TMC6: variants seen among roughly 807,000 people sequenced by gnomAD.
The protein encoded by TMC6 is transmembrane channel-like protein 6.
A neutral mutation model predicts 95.4 loss-of-function variants in TMC6; 71 were observed. That is an observed-to-expected ratio of 0.74 (90% CI 0.61 to 0.91). The LOEUF (loss-of-function observed/expected upper bound fraction) is 0.91. TMC6 is among the 40% of genes least tolerant of loss of function. The probability of loss-of-function intolerance (pLI) is 0.00; values close to 1 mark genes in which losing one functional copy is unlikely to be tolerated. For synonymous variants in TMC6, 514 were observed against 483.1 expected (o/e 1.06, Z -0.84); for missense variants, 1,074 against 1,079.1 (o/e 1.00, Z 0.07).
chr17:78,121,480 C>T lies in TMC6; in HGVS notation c.1383+76G>A. The T allele has an allele frequency of 6.2e-7, 1 of 1,601,370 alleles. No individual in the cohort carries two copies. Among genetic ancestry groups the T allele is most frequent in the African/African-American group, 1.3e-5 (1 of 74,764 alleles). ...GGGTGGAGGAGGAGAGGCAAGGCTG[C>T]CTCCCCAGGGGGCAGGTGCCCAGAG... On this transcript the variant is annotated intron_variant, in intron 11 of 19. Transcript: ENST00000590602. The surrounding 1 kb of genome is among the most constrained non-coding windows in gnomAD (Gnocchi z 5.6).
intron 8 of TMC6, 90 bp downstream of exon 8, chr17:78,124,434 G>A: frequency 1.9e-6 from 3 of 1,579,796 alleles, no homozygotes; most frequent in Non-Finnish European, 8.5e-7. Context: ...AGGGTTGGGG[G>A]CCCCAGGGGA....
chr17:78,117,777 G>T (rs2074205256), intron 16 of TMC6, 25 bp downstream of exon 16: 1 of 1,598,584 alleles, frequency 6.3e-7, no homozygotes, highest in Non-Finnish European at 8.5e-7. Context: ...ACACAGAAGG[G>T]TCTCCCTCCA....
rs2073788774 is a variant in TMC6 at position 78,109,783 on chromosome 17, C to G, written c.*3365G>C. 1 of 346,240 alleles carries G rather than the reference C, an allele frequency of 2.9e-6. No homozygotes were observed. The highest frequency in any genetic ancestry group is 5.7e-6 in the Non-Finnish European group (1 of 174,392). The allele number at this position is 346,240 out of a possible 1,614,324, so 21.4% of individuals were successfully genotyped here. The stretch of plus-strand genomic sequence containing the variant: ...TGAAAATTTTTAAGATAATTCACAT[C>G]CGGCCAGGCATGGTGGCTCATGCCT... On this transcript the variant is annotated 3_prime_UTR_variant, in exon 20 of 20. Transcript: ENST00000590602.
rs372093428 is a variant in TMC6, at chr17:78,109,265, C to T, written c.*3883G>A. 5.6e-6 allele frequency: 2 copies of T among 356,082 alleles called. No homozygotes were observed. The highest frequency in any genetic ancestry group is 1.1e-5 in the Non-Finnish European group (2 of 178,362). 22.1% of individuals were successfully genotyped at this position (356,082 alleles called of 1,614,324 possible). A position where few individuals can be genotyped will look rare whatever the true frequency, so the allele number is the denominator to read the frequency against. On this transcript the variant is annotated 3_prime_UTR_variant, in exon 20 of 20. Coordinates refer to ENST00000590602, the MANE Select transcript of TMC6 (RefSeq NM_001127198.5). Reference sequence around the variant, plus strand: ...GACACAGAGGCATCATGGCGAGCCCCGACTGAGTGTTCAGTGAAGAGGGAA... The same window carrying T: ...GACACAGAGGCATCATGGCGAGCCCTGACTGAGTGTTCAGTGAAGAGGGAA...
chr17:78,126,312 A>G lies in TMC6; in HGVS notation c.236T>C (p.Leu79Pro). Residue 79 changes from leucine to proline, a missense_variant, in exon 4 of 20, where the codon CTC becomes CCC. Leu to Pro is a moderately conservative substitution (Grantham distance 98). Coordinates refer to ENST00000590602, the MANE Select transcript of TMC6 (RefSeq NM_001127198.5). ...RPEGTQSTAT[L>P]RILASMPSRT... Reference sequence around the variant, plus strand: ...GCTGGGCATGCTGGCCAGGATGCGGAGTGTGGCCGTGCTCTGGGTGCCCTC... The same window carrying G: ...GCTGGGCATGCTGGCCAGGATGCGGGGTGTGGCCGTGCTCTGGGTGCCCTC... 6.4e-7 allele frequency: 1 copy of G among 1,569,548 alleles called. No individual in the cohort carries two copies. The highest frequency in any genetic ancestry group is 8.6e-7 in the Non-Finnish European group (1 of 1,162,102).
At position 78,109,160 on chromosome 17, in the gene TMC6, G is replaced by T. The variant is rs768636169; in HGVS notation, c.*3988C>A. The T allele has an allele frequency of 1.5e-4, 47 of 308,128 alleles. No individual in the cohort carries two copies. Among genetic ancestry groups the T allele is most frequent in the Non-Finnish European group, 3.0e-4 (46 of 155,662 alleles). 19.1% of individuals were successfully genotyped at this position (308,128 alleles called of 1,614,324 possible). On this transcript the variant is annotated 3_prime_UTR_variant, in exon 20 of 20. Coordinates refer to ENST00000590602, the MANE Select transcript of TMC6 (RefSeq NM_001127198.5). Reference sequence around the variant, plus strand: ...ATTTTGGCAACATCACGGCAGAACGGTAAAGGCAGAAAGCACAGTGCCCAG... The same window carrying T: ...ATTTTGGCAACATCACGGCAGAACGTTAAAGGCAGAAAGCACAGTGCCCAG...
upstream of TMC6, among the ~76,000 whole-genome samples, chr17:78,130,052 G>C (rs1233400414): frequency 6.6e-6 from 1 of 152,210 alleles, no homozygotes; most frequent in East Asian, 1.9e-4. Context: ...CCCTATAGCA[G>C]GTAGAGAGGG....
chr17:78,120,897 C>T, intron 12 of TMC6, 65 bp from the exon 13 acceptor site: 1 of 1,611,124 alleles, frequency 6.2e-7, no homozygotes, highest in Non-Finnish European at 8.5e-7. Flanking sequence ...ACCCCAGGGC[C>T]CCCACCAGGG....
rs199813788 is a variant in TMC6, at chr17:78,125,875, C to G, written c.281G>C (p.Arg94Pro). Reference protein sequence around the residue: ...SMPSRTIGRSRGAIISQYYNR... With the variant: ...SMPSRTIGRSPGAIISQYYNR... ...GTAGTACTGGGAGATGATGGCACCT[C>G]GGCTGCGGCCTATGGAGGCAGCTGG... Residue 94 changes from arginine to proline, a missense_variant, in exon 5 of 20, where the codon CGA (arginine) becomes CCA (proline). Transcript: ENST00000590602. The G allele has an allele frequency of 1.9e-6, 3 of 1,550,784 alleles. No individual in the cohort carries two copies. Among genetic ancestry groups the G allele is most frequent in the East Asian group, 2.4e-5 (1 of 40,920 alleles).
upstream of TMC6, among the ~76,000 whole-genome samples, chr17:78,129,995 G>C (rs1433104840): frequency 6.6e-6 from 1 of 152,208 alleles, no homozygotes; most frequent in Non-Finnish European, 1.5e-5. This position sits in a 1 kb window ranked among gnomAD's most constrained non-coding sequence, Gnocchi z 4.3. Context: ...AAGGAGGTGG[G>C]CAGAGAGGCA....
chr17:78,125,836 T>G lies in TMC6; in HGVS notation c.320A>C (p.Gln107Pro), dbSNP rs1351341956. 1.3e-6 allele frequency: 2 copies of G among 1,553,254 alleles called. No individual in the cohort carries two copies. The highest frequency in any genetic ancestry group is 1.7e-6 in the Non-Finnish European group (2 of 1,148,344). ...IISQYYNRTVQLRCRSSRPLL... is the reference protein window; with the variant it reads ...IISQYYNRTVPLRCRSSRPLL... ...GGGCCGGCTGCTCCTGCACCGAAGCTGCACCGTGCGGTTGTAGTACTGGGA... is the reference window on the plus strand; with the variant it reads ...GGGCCGGCTGCTCCTGCACCGAAGCGGCACCGTGCGGTTGTAGTACTGGGA... The change falls in exon 5 of 20, where the codon CAG becomes CCG. Residue 107 changes from glutamine to proline, a missense_variant. Gln to Pro is a moderately conservative substitution (Grantham distance 76). Coordinates refer to ENST00000590602, the MANE Select transcript of TMC6 (RefSeq NM_001127198.5).
intron 18 of TMC6, chr17:78,114,000 A>G: frequency 2.9e-6 from 1 of 342,278 alleles, no homozygotes; most frequent in South Asian, 2.4e-5. Flanking sequence ...CAGGGTTTAC[A>G]TTAGTTTCCT....
At chr17:78,115,680 G>GGACCAGCTGCCGGGTGGACAGTACTCCT (rs1567983018) in intron 18 of TMC6, among the ~76,000 whole-genome samples, 7 of 113,836 alleles carry the variant, frequency 6.1e-5, no homozygotes, top group African/African-American at 2.2e-4. Flanking sequence ...GTGGGCACAG[G>GGACCAGCTGCCGGGTGGACAGTACTCCT]GGCGAAGGGA....
chr17:78,113,923 T>C, intron 18 of TMC6: 1 of 437,540 alleles, frequency 2.3e-6, no homozygotes, highest in South Asian at 2.1e-5. Flanking sequence ...GTACTGGCTC[T>C]GCCTTGGGTT....
chr17:78,131,485 C>G, upstream of TMC6: 1 of 1,470,672 alleles, frequency 6.8e-7, no homozygotes, highest in Admixed American at 2.0e-5. Context: ...CCCAGCCCAG[C>G]GTGCACAGAG....
intron 18 of TMC6, among the ~76,000 whole-genome samples, chr17:78,115,300 G>A (rs1201691556): frequency 2.0e-5 from 3 of 152,218 alleles, no homozygotes; most frequent in Middle Eastern, 3.2e-3. Flanking sequence ...CTTGGCAGAC[G>A]CCAGCCGCTG....
In TMC6 at chr17:78,122,316, G is replaced by A. The variant is rs2074453660; in HGVS notation, c.1227+289C>T. ...CCAGCCAGGGAGCATGTGCCAGCTG[G>A]GGCCTGAGGCCTCAGGGCTGGCTCC... is the stretch of plus-strand genomic sequence containing the variant. On this transcript the variant is annotated intron_variant, in intron 10 of 19. Transcript: ENST00000590602. The surrounding 1 kb of genome is among the most constrained non-coding windows in gnomAD (Gnocchi z 4.9). Among the ~76,000 whole-genome samples, 1 of 152,046 alleles carries A rather than the reference G, an allele frequency of 6.6e-6. No individual in the cohort carries two copies. The highest frequency in any genetic ancestry group is 2.4e-5 in the African/African-American group (1 of 41,408).
chr17:78,126,907 C>G lies in TMC6; in HGVS notation c.-74-1G>C. The G allele has an allele frequency of 1.9e-6, 3 of 1,547,970 alleles. No homozygotes were observed. Among genetic ancestry groups the G allele is most frequent in the Non-Finnish European group, 2.6e-6 (3 of 1,135,626 alleles). On this transcript the variant is annotated splice_acceptor_variant, in intron 1 of 19. Transcript: ENST00000590602. LOFTEE classifies it low-confidence loss of function (5UTR_SPLICE). ...TGGGCGCCACCTCCGGAGCCCCCAT[C>G]TGATGAGACAGGGGCACAGAGCCAG...
upstream of TMC6, among the ~76,000 whole-genome samples, chr17:78,129,355 AG>A (rs1469323443): frequency 1.3e-5 from 2 of 152,140 alleles, no homozygotes; most frequent in African/African-American, 4.8e-5. This position sits in a 1 kb window ranked among gnomAD's most constrained non-coding sequence, Gnocchi z 4.3. Context: ...ATTCCCCATG[AG>A]CCAGGAAGGT....
Sources: allele counts gnomAD v4.1 joint callset (sites outside exome capture counted in the v4.1 genomes callset), GRCh38; gene constraint gnomAD v4.1.1; non-coding constraint Gnocchi (gnomAD v3.1); transcripts MANE v1.5; gene names NCBI Gene and HGNC (gene_info 2026-07-23, HGNC 2026-07-21).